The following RGPD4 variants were observed in gnomAD, a reference collection of about 807,000 sequenced individuals.
The protein encoded by RGPD4 is ranBP2-like and GRIP domain-containing protein 4.
A neutral mutation model predicts 141.1 loss-of-function variants in RGPD4; 84 were observed. The ratio of observed to expected loss-of-function variants is 0.60; its 90% CI spans 0.50 to 0.71. The LOEUF is 0.71. Among genes scored for constraint, RGPD4 ranks in the 30% least tolerant of loss-of-function variants. RGPD4 has a pLI of 0.00. For synonymous variants in RGPD4, 298 were observed against 566.8 expected (o/e 0.53, Z 6.74); for missense variants, 918 against 1,622.4 (o/e 0.57, Z 7.46).
intron 7 of RGPD4, among the ~76,000 whole-genome samples, chr2:107,854,015 C>G (rs1317060865): frequency 6.9e-6 from 1 of 145,212 alleles, no homozygotes; most frequent in African/African-American, 2.6e-5. Flanking sequence ...TCCCAAAGTG[C>G]TGGGATTACA....
At chr2:107,867,227 T>G (rs1244817136) in intron 18 of RGPD4, among the ~76,000 whole-genome samples, 1 of 151,448 alleles carries the variant, frequency 6.6e-6, no homozygotes, top group African/African-American at 2.4e-5. Flanking sequence ...AATTGTTCCT[T>G]TTATGTACGA....
At chr2:107,883,939 C>A (rs1675438480) in intron 22 of RGPD4, among the ~76,000 whole-genome samples, 1 of 152,040 alleles carries the variant, frequency 6.6e-6, no homozygotes, top group Non-Finnish European at 1.5e-5. Flanking sequence ...GACTTAAATC[C>A]CACACATCAT....
chr2:107,833,733 T>C (rs1215733310), intron 1 of RGPD4, among the ~76,000 whole-genome samples: 1 of 151,956 alleles, frequency 6.6e-6, no homozygotes, highest in Non-Finnish European at 1.5e-5. Context: ...TGAATCTATT[T>C]CTTCATTTTG....
At chr2:107,845,720 C>G (rs1282809432) in intron 6 of RGPD4, among the ~76,000 whole-genome samples, 1 of 152,206 alleles carries the variant, frequency 6.6e-6, no homozygotes, top group Non-Finnish European at 1.5e-5. Context: ...CCCACCACCA[C>G]GCTCGGCTAA....
intron 20 of RGPD4, among the ~76,000 whole-genome samples, chr2:107,876,367 G>A (rs1683091739): frequency 6.6e-6 from 1 of 150,772 alleles, no homozygotes; most frequent in South Asian, 2.1e-4. Flanking sequence ...GGGATTACAG[G>A]CATGAGCCAC....
At chr2:107,854,191 A>G (rs1480564401) in intron 7 of RGPD4, among the ~76,000 whole-genome samples, 3 of 132,156 alleles carry the variant, frequency 2.3e-5, no homozygotes, top group Non-Finnish European at 4.8e-5. Context: ...TGTAGCTGGA[A>G]TTAACAGGTG....
chr2:107,887,417 T>C (rs1226558070), intron 22 of RGPD4, among the ~76,000 whole-genome samples: 1 of 152,190 alleles, frequency 6.6e-6, no homozygotes, highest in Non-Finnish European at 1.5e-5. Flanking sequence ...GCTCTAGATA[T>C]AAAATGTTTA....
In RGPD4 at chr2:107,871,040, C is replaced by G; in HGVS notation, c.3036C>G (p.Ala1012=). The change falls in exon 20 of 23, where the codon GCC becomes GCG. Residue 1012 remains alanine, a synonymous_variant. Transcript: ENST00000408999. The stretch of plus-strand genomic sequence containing the variant: ...TCTCATCACAATGCGGTAAAATGGC[C>G]AATAAAGCAAACACTTCCGGTGACT... The part of the protein sequence containing the change: ...KLFSSQCGKM[A]NKANTSGDFE... 1 of 1,610,880 alleles carries G rather than the reference C, an allele frequency of 6.2e-7. No homozygotes were observed. The highest frequency in any genetic ancestry group is 8.5e-7 in the Non-Finnish European group (1 of 1,179,752).
intron 17 of RGPD4, among the ~76,000 whole-genome samples, chr2:107,863,771 G>A (rs1193122652): frequency 2.6e-5 from 4 of 151,952 alleles, no homozygotes; most frequent in African/African-American, 9.7e-5. Context: ...GGGATTACAG[G>A]TGTAAACCAC....
chr2:107,882,382 A>G (rs1466672185), intron 21 of RGPD4, among the ~76,000 whole-genome samples: 3 of 151,816 alleles, frequency 2.0e-5, no homozygotes, highest in Non-Finnish European at 4.4e-5. Flanking sequence ...CCTATAGCCC[A>G]ACACTTGGTT....
At position 107,890,636 on chromosome 2, in the gene RGPD4, T is replaced by C. The variant is rs1675631179; in HGVS notation, c.5267-85T>C. The C allele has an allele frequency of 3.3e-6, 3 of 907,544 alleles. No homozygotes were observed. The Admixed American group carries it at 8.9e-5, about 27-fold the overall frequency. 56.2% of individuals were successfully genotyped at this position (907,544 alleles called of 1,614,324 possible). On this transcript the variant is annotated intron_variant, in intron 22 of 22. Transcript: ENST00000408999. ...TAAAAAAGACATTATTTGCTTATAT[T>C]GTAGAGTGGTTCTAAAATATAGATT...
At position 107,829,941 on chromosome 2, in the gene RGPD4, G is replaced by A. The variant is rs375549859; in HGVS notation, c.72+2856G>A. On this transcript the variant is annotated intron_variant, in intron 1 of 22. Transcript: ENST00000408999. ...TACCTCCTTGGCCTGGAGGAACCCA[G>A]TGGGGACTGACGCAGCTCCGGGTGA... Among the ~76,000 whole-genome samples the A allele has an allele frequency of 9.9e-5, 15 of 152,174 alleles. 1 individual carries two copies. The East Asian group carries it at 1.6e-3, about 16-fold the overall frequency.
chr2:107,881,502 G>C (rs1331910693), intron 21 of RGPD4, among the ~76,000 whole-genome samples: 7 of 151,380 alleles, frequency 4.6e-5, no homozygotes, highest in Admixed American at 3.9e-4. Flanking sequence ...TATTTTACTA[G>C]AGGCATGGTT....
chr2:107,869,873 T>G lies in RGPD4; in HGVS notation c.2606-10T>G, dbSNP rs2912699. 6.5e-4 allele frequency: 870 copies of G among 1,339,052 alleles called. 14 individuals are homozygous for G. In the African/African-American group the frequency reaches 9.1e-3, roughly 14 times the overall value. The allele number at this position is 1,339,052 out of a possible 1,614,324, so 82.9% of individuals were successfully genotyped here. ...ACAGTGTTTTCTTTCTTTTCTTTTT[T>G]TTTTTTTAGTTGCAACTACTGGCCC... On this transcript the variant is annotated splice_polypyrimidine_tract_variant and intron_variant, in intron 18 of 22. Coordinates refer to ENST00000408999, the MANE Select transcript of RGPD4 (RefSeq NM_182588.3).
chr2:107,888,258 G>A (rs1458064337), intron 22 of RGPD4, among the ~76,000 whole-genome samples: 2 of 109,322 alleles, frequency 1.8e-5, no homozygotes, highest in Admixed American at 1.8e-4. Flanking sequence ...TAGTTACCAG[G>A]AACATTGTTT....
In RGPD4 at chr2:107,840,870, G is replaced by A. The variant is rs1681778538; in HGVS notation, c.405+1906G>A. On this transcript the variant is annotated intron_variant, in intron 4 of 22. Transcript: ENST00000408999. ...ATTCTCAGGTGATCCACCCACTTTG[G>A]CCTCCCAAAGTGCTGGGATTACAGG... 2.9e-5 allele frequency among the ~76,000 whole-genome samples: 2 copies of A among 70,048 alleles called. 1 individual carries two copies. The highest frequency in any genetic ancestry group is 2.2e-4 in the Admixed American group (2 of 8,936). 46.0% of individuals were successfully genotyped at this position (70,048 alleles called of 152,430 possible). A position where few individuals can be genotyped will look rare whatever the true frequency, so the allele number is the denominator to read the frequency against.
chr2:107,869,159 C>T (rs1682826329), intron 18 of RGPD4, among the ~76,000 whole-genome samples: 1 of 67,366 alleles, frequency 1.5e-5, no homozygotes, highest in Admixed American at 1.2e-4. Context: ...GTTTCTGTTT[C>T]TTCTTCCATG....
chr2:107,865,960 G>C (rs2889778), intron 17 of RGPD4, among the ~76,000 whole-genome samples: 1 of 112,250 alleles, frequency 8.9e-6, no homozygotes, highest in Non-Finnish European at 1.9e-5. Flanking sequence ...ATCCCAGCTA[G>C]TTGGGAAGCT....
chr2:107,876,336 G>A (rs832356), intron 20 of RGPD4, among the ~76,000 whole-genome samples: 89,901 of 144,874 alleles, frequency 0.62, 28,437 homozygotes, highest in Middle Eastern at 0.73. Context: ...TGATCCACCC[G>A]CCTCGGCCTC....
Sources: allele counts gnomAD v4.1 joint callset (sites outside exome capture counted in the v4.1 genomes callset), GRCh38; gene constraint gnomAD v4.1.1; transcripts MANE v1.5; gene names NCBI Gene and HGNC (gene_info 2026-07-23, HGNC 2026-07-21).